Variants in LHX2 observed in about 807,000 individuals in gnomAD.
LHX2 encodes the protein LIM homeobox 2, also known as LIM/homeobox protein Lhx2.
A neutral mutation model predicts 33.0 loss-of-function variants in LHX2; 6 were observed. The ratio of observed to expected loss-of-function variants is 0.18; its 90% confidence interval spans 0.10 to 0.36. LHX2 has a LOEUF of 0.36. Ranked by LOEUF, LHX2 falls within the 10% of genes least tolerant of loss-of-function variation. The pLI is 1.00. For missense variants in LHX2, 442 were observed against 586.2 expected (o/e 0.75, Z 2.54); for synonymous variants, 292 against 253.1 (o/e 1.15, Z -1.46).
rs1859102689 is a variant in LHX2 at position 124,012,238 on chromosome 9, C to G, written c.-111C>G. On this transcript the variant is annotated 5_prime_UTR_variant, in exon 1 of 5. Coordinates refer to ENST00000373615, the MANE Select transcript of LHX2 (RefSeq NM_004789.4). This position sits in a 1 kb window ranked among gnomAD's most constrained non-coding sequence, Gnocchi z 4.3. ...AGCCGAGCTCGGGCGGGGCCGGGGC[C>G]GCGGTGGCGATGCACCGGGCCCGTT... 1 of 1,132,088 alleles carries G rather than the reference C, an allele frequency of 8.8e-7. No homozygotes were observed. The highest frequency in any genetic ancestry group is 1.6e-5 in the African/African-American group (1 of 60,660). The allele number at this position is 1,132,088 out of a possible 1,614,324, so 70.1% of individuals were successfully genotyped here.
rs1859196182 is a variant in LHX2 at position 124,016,680 on chromosome 9, T to C, written c.727+1155T>C. 6.6e-6 allele frequency among the ~76,000 whole-genome samples: 1 copy of C among 152,128 alleles called. No homozygotes were observed. Among genetic ancestry groups the C allele is most frequent in the Non-Finnish European group, 1.5e-5 (1 of 68,014 alleles). On this transcript the variant is annotated intron_variant, in intron 3 of 4. Transcript: ENST00000373615. This position sits in a 1 kb window ranked among gnomAD's most constrained non-coding sequence, Gnocchi z 4.4. ...GGGTGTTCGCTCCAACGAAATCGCT[T>C]GGAGGATCATGGGGCGTGTGTCCCT... is the stretch of plus-strand genomic sequence containing the variant.
chr9:124,028,960 A>G lies in LHX2; in HGVS notation c.934-3460A>G, dbSNP rs11998857. Among the ~76,000 whole-genome samples the G allele has an allele frequency of 6.2e-3, 940 of 152,252 alleles. 9 individuals are homozygous for G. The highest frequency in any genetic ancestry group is 0.021 in the African/African-American group (888 of 41,530). ...CCGTCTGTACTAAAAATACAAAAAA[A>G]TTAGCCAGGCATGGTGGCGGGTGCC... On this transcript the variant is annotated intron_variant, in intron 4 of 4. Transcript: ENST00000373615.
Position 124,012,656 on chromosome 9 carries a change from G to C in LHX2, c.120+188G>C, listed in dbSNP as rs1174977224. ...AACCCGGCTGCTGGGACGCAGAAGGGAAACAAGGTTGAAACCGAAATCTCG... is the reference window on the plus strand; with the variant it reads ...AACCCGGCTGCTGGGACGCAGAAGGCAAACAAGGTTGAAACCGAAATCTCG... On this transcript the variant is annotated intron_variant, in intron 1 of 4. Coordinates refer to ENST00000373615, the MANE Select transcript of LHX2 (RefSeq NM_004789.4). This position sits in a 1 kb window ranked among gnomAD's most constrained non-coding sequence, Gnocchi z 4.3. Among the ~76,000 whole-genome samples the C allele has an allele frequency of 6.6e-6, 1 of 152,264 alleles. No homozygotes were observed. The highest frequency in any genetic ancestry group is 1.5e-5 in the Non-Finnish European group (1 of 68,044).
chr9:124,014,242 T>G lies in LHX2; in HGVS notation c.323+79T>G. 1 of 898,488 alleles carries G rather than the reference T, an allele frequency of 1.1e-6. No homozygotes were observed. The highest frequency in any genetic ancestry group is 1.8e-6 in the Non-Finnish European group (1 of 566,072). 55.7% of individuals were successfully genotyped at this position (898,488 alleles called of 1,614,324 possible). ...AGTCTTACAGTTTGGCCCTCTCCTTTCCGTTTAGTCCCAGGAGAGGGTTCA... is the reference window on the plus strand; with the variant it reads ...AGTCTTACAGTTTGGCCCTCTCCTTGCCGTTTAGTCCCAGGAGAGGGTTCA... On this transcript the variant is annotated intron_variant, in intron 2 of 4. Transcript: ENST00000373615. This position sits in a 1 kb window ranked among gnomAD's most constrained non-coding sequence, Gnocchi z 4.8.
intron 4 of LHX2, among the ~76,000 whole-genome samples, chr9:124,030,685 GC>G (rs1182348888): frequency 6.9e-6 from 1 of 144,368 alleles, no homozygotes; most frequent in Non-Finnish European, 1.5e-5. Flanking sequence ...AGGCTGGAGT[GC>G]AGTGGTGGGA....
chr9:124,015,441 A>C lies in LHX2; in HGVS notation c.643A>C (p.Asn215His), dbSNP rs1256772758. 6.3e-7 allele frequency: 1 copy of C among 1,583,086 alleles called. No homozygotes were observed. The highest frequency in any genetic ancestry group is 1.8e-5 in the Admixed American group (1 of 55,510). ...GANPLGLPYY[N>H]GVGTVQKGRP... ...CAACCCTCTGGGTCTTCCCTACTAC[A>C]ATGGCGTGGGCACTGTGCAGAAGGG... The change falls in exon 3 of 5, where the codon AAT (asparagine) becomes CAT (histidine). Residue 215 changes from asparagine (N) to histidine (H), a missense_variant. By Grantham distance (68) the Asn-to-His change is moderately conservative (BLOSUM62 1). Transcript: ENST00000373615. The surrounding 1 kb of genome is among the most constrained non-coding windows in gnomAD (Gnocchi z 7.9).
chr9:124,021,154 G>T lies in LHX2; in HGVS notation c.783G>T (p.Pro261=). The change falls in exon 4 of 5, where the codon CCG becomes CCT. Residue 261 remains proline, a synonymous_variant. Transcript: ENST00000373615. The stretch of plus-strand genomic sequence containing the variant: ...ACCTGGACCGTGACCAGCCATACCC[G>T]AGCAGCCAGAAGACCAAGCGCATGC... ...AEHLDRDQPY[P]SSQKTKRMRT... is the part of the protein sequence containing the mutation. The T allele has an allele frequency of 6.2e-7, 1 of 1,613,914 alleles. No individual in the cohort carries two copies. The highest frequency in any genetic ancestry group is 8.5e-7 in the Non-Finnish European group (1 of 1,179,962).
intron 4 of LHX2, among the ~76,000 whole-genome samples, chr9:124,021,542 G>T (rs912995471): frequency 4.0e-5 from 6 of 151,658 alleles, no homozygotes; most frequent in African/African-American, 1.5e-4. Flanking sequence ...TTCTGTTTGC[G>T]TATCGCTCCA....
At position 124,014,013 on chromosome 9, in the gene LHX2, G is replaced by A; in HGVS notation, c.173G>A (p.Gly58Asp). 1 of 1,613,540 alleles carries A rather than the reference G, an allele frequency of 6.2e-7. No homozygotes were observed. Among genetic ancestry groups the A allele is most frequent in the Non-Finnish European group, 8.5e-7 (1 of 1,180,026 alleles). ...GCCGCGCTGTGCGCCGGCTGCGGGGGCAAGATCTCGGACCGCTACTACCTG... is the reference window on the plus strand; with the variant it reads ...GCCGCGCTGTGCGCCGGCTGCGGGGACAAGATCTCGGACCGCTACTACCTG... ...DRAALCAGCG[G>D]KISDRYYLLA... Residue 58 changes from glycine (G) to aspartate (D), a missense_variant, in exon 2 of 5, where the codon GGC becomes GAC. This residue lies in a region of LHX2 where 72 missense variants were observed against 171.6 expected (regional missense o/e 0.42). Transcript: ENST00000373615. This position sits in a 1 kb window ranked among gnomAD's most constrained non-coding sequence, Gnocchi z 4.8.
Position 124,014,009 on chromosome 9 carries a change from G to T in LHX2, c.169G>T (p.Gly57Trp), listed in dbSNP as rs1370844767. ...CCGCGCCGCGCTGTGCGCCGGCTGC[G>T]GGGGCAAGATCTCGGACCGCTACTA... Reference protein sequence around the residue: ...SDRAALCAGCGGKISDRYYLL... With the variant: ...SDRAALCAGCWGKISDRYYLL... Residue 57 changes from glycine (G) to tryptophan (W), a missense_variant, in exon 2 of 5, where the codon GGG (glycine) becomes TGG (tryptophan). Physicochemically the swap from Gly to Trp is radical, Grantham distance 184. Around this residue, in one of 5 missense-constraint regions of LHX2, gnomAD observed 72 missense variants for 171.6 expected, o/e 0.42. Coordinates refer to ENST00000373615, the MANE Select transcript of LHX2 (RefSeq NM_004789.4). This position sits in a 1 kb window ranked among gnomAD's most constrained non-coding sequence, Gnocchi z 4.8. 1 of 1,613,380 alleles carries T rather than the reference G, an allele frequency of 6.2e-7. No individual in the cohort carries two copies.
chr9:124,032,843 A>T lies in LHX2; in HGVS notation c.*136A>T, dbSNP rs1378543028. The T allele has an allele frequency of 1.9e-6, 2 of 1,036,334 alleles. No homozygotes were observed. The highest frequency in any genetic ancestry group is 2.7e-6 in the Non-Finnish European group (2 of 730,812). The allele number at this position is 1,036,334 out of a possible 1,614,324, so 64.2% of individuals were successfully genotyped here. A position where few individuals can be genotyped will look rare whatever the true frequency, so the allele number is the denominator to read the frequency against. ...GGATCTCGCCTGGAAACAGAGGTAA[A>T]AAAAAGAAGTGTGCGCCCGGCTAAT... On this transcript the variant is annotated 3_prime_UTR_variant, in exon 5 of 5. Coordinates refer to ENST00000373615, the MANE Select transcript of LHX2 (RefSeq NM_004789.4). This position sits in a 1 kb window ranked among gnomAD's most constrained non-coding sequence, Gnocchi z 4.1.
At chr9:124,029,770 G>C (rs1828683041) in intron 4 of LHX2, among the ~76,000 whole-genome samples, 1 of 152,236 alleles carries the variant, frequency 6.6e-6, no homozygotes, top group Non-Finnish European at 1.5e-5. Context: ...AGGCTGCTCA[G>C]GGGTCACACG....
chr9:124,018,328 C>T (rs1410698730), intron 3 of LHX2, among the ~76,000 whole-genome samples: 1 of 150,988 alleles, frequency 6.6e-6, no homozygotes, highest in Non-Finnish European at 1.5e-5. Flanking sequence ...CTCGGCCCCT[C>T]GCTCCTCCCC....
chr9:124,019,952 C>G (rs1859263795), intron 3 of LHX2, among the ~76,000 whole-genome samples: 1 of 152,204 alleles, frequency 6.6e-6, no homozygotes, highest in African/African-American at 2.4e-5. Flanking sequence ...CCATATTCCC[C>G]ACCCCCAATG....
chr9:124,017,580 T>A (rs770647427), intron 3 of LHX2, among the ~76,000 whole-genome samples: 4 of 151,900 alleles, frequency 2.6e-5, no homozygotes, highest in Non-Finnish European at 5.9e-5. Context: ...TGCGTGTGCG[T>A]GCAGGGTTCC....
chr9:124,032,551 C>T lies in LHX2; in HGVS notation c.1065C>T (p.Asn355=), dbSNP rs1429949286. 2.5e-6 allele frequency: 4 copies of T among 1,614,136 alleles called. No individual in the cohort carries two copies. Among genetic ancestry groups the T allele is most frequent in the African/African-American group, 1.3e-5 (1 of 75,046 alleles). ...TPSGPASELS[N]ASLSPSSTPT... ...CGGGCCCGGCCTCGGAGCTCTCCAA[C>T]GCCTCGCTCAGCCCCTCCAGCACGC... The change falls in exon 5 of 5, where the codon AAC becomes AAT. Residue 355 remains asparagine (N), a synonymous_variant. Transcript: ENST00000373615. The surrounding 1 kb of genome is among the most constrained non-coding windows in gnomAD (Gnocchi z 4.1).
At position 124,015,257 on chromosome 9, in the gene LHX2, C is replaced by A. The variant is rs1472764301; in HGVS notation, c.459C>A (p.Gly153=). 1.2e-6 allele frequency: 2 copies of A among 1,614,158 alleles called. No individual in the cohort carries two copies. The highest frequency in any genetic ancestry group is 1.1e-5 in the South Asian group (1 of 91,086). The change falls in exon 3 of 5, where the codon GGC becomes GGA. Residue 153 remains glycine (G), a synonymous_variant. Transcript: ENST00000373615. The surrounding 1 kb of genome is among the most constrained non-coding windows in gnomAD (Gnocchi z 7.9). The part of the protein sequence containing the change: ...CTTCNKMLTT[G]DHFGMKDSLV... ...CGTGTAACAAGATGCTGACCACGGG[C>A]GACCACTTCGGCATGAAGGACAGCC...
At position 124,032,719 on chromosome 9, in the gene LHX2, C is replaced by A; in HGVS notation, c.*12C>A. ...CCAACCTTTTCTAATGACTCGCAACCCCTCACCCCACAATTTCTTTAAAAA... is the reference window on the plus strand; with the variant it reads ...CCAACCTTTTCTAATGACTCGCAACACCTCACCCCACAATTTCTTTAAAAA... On this transcript the variant is annotated 3_prime_UTR_variant, in exon 5 of 5. Coordinates refer to ENST00000373615, the MANE Select transcript of LHX2 (RefSeq NM_004789.4). The surrounding 1 kb of genome is among the most constrained non-coding windows in gnomAD (Gnocchi z 4.1). The A allele has an allele frequency of 6.5e-7, 1 of 1,542,880 alleles. No individual in the cohort carries two copies. Among genetic ancestry groups the A allele is most frequent in the East Asian group, 2.3e-5 (1 of 42,778 alleles).
At chr9:124,028,165 C>A (rs918696876) in intron 4 of LHX2, among the ~76,000 whole-genome samples, 2 of 152,170 alleles carry the variant, frequency 1.3e-5, no homozygotes, top group Admixed American at 6.5e-5. Context: ...TGAAAGAATT[C>A]TGGGGAAGGA....
Sources: gnomAD v4.1 joint callset for allele counts (sites outside exome capture counted in the v4.1 genomes callset) on GRCh38, gnomAD v4.1.1 for gene constraint, gnomAD v4.1.1 regional missense constraint, Gnocchi (gnomAD v3.1) non-coding constraint, MANE v1.5 for transcripts, NCBI Gene and HGNC (gene_info 2026-07-23, HGNC 2026-07-21) for gene names.